CRTC2: variants seen among roughly 807,000 people sequenced by gnomAD.
CRTC2 encodes CREB regulated transcription coactivator 2, also known as CREB-regulated transcription coactivator 2.
Under a neutral mutation model 70.9 loss-of-function variants are expected in CRTC2, and 25 were observed. The ratio of observed to expected loss-of-function variants is 0.35; its 90% confidence interval spans 0.26 to 0.49. The LOEUF is 0.49. Ranked by LOEUF, CRTC2 falls within the 20% of genes least tolerant of loss-of-function variation. The pLI is 0.98. For missense variants in CRTC2, 737 were observed against 882.6 expected (o/e 0.83, Z 2.09); for synonymous variants, 330 against 364.1 (o/e 0.91, Z 1.07).
chr1:153,951,959 C>A, intron 10 of CRTC2, 59 bp downstream of exon 10: 1 of 1,570,940 alleles, frequency 6.4e-7, no homozygotes, highest in South Asian at 1.2e-5. Flanking sequence ...AACCTACCTC[C>A]CCTTCATCCC....
intron 3 of CRTC2, 55 bp downstream of exon 3, chr1:153,954,818 G>T: frequency 6.7e-7 from 1 of 1,482,688 alleles, no homozygotes; most frequent in Non-Finnish European, 9.4e-7. Context: ...ATGAGTCCCT[G>T]AGGAACCCCA....
chr1:153,952,065 A>C lies in CRTC2; in HGVS notation c.950T>G (p.Leu317Arg). ...TSNLTHTMTH[L>R]GISRGMGLGP... The stretch of plus-strand genomic sequence containing the variant: ...CAGGCCCATGCCCCTGCTGATGCCC[A>C]GGTGAGTCATGGTGTGGGTCAAATT... Residue 317 changes from leucine to arginine, a missense_variant, in exon 10 of 14, where the codon CTG becomes CGG. By Grantham distance (102) the Leu-to-Arg change is moderately radical. Around this residue, in one of 3 missense-constraint regions of CRTC2, gnomAD observed 699 missense variants for 823.7 expected, o/e 0.85. Coordinates refer to ENST00000368633, the MANE Select transcript of CRTC2 (RefSeq NM_181715.3). 1 of 1,614,108 alleles carries C rather than the reference A, an allele frequency of 6.2e-7. No homozygotes were observed. The highest frequency in any genetic ancestry group is 8.5e-7 in the Non-Finnish European group (1 of 1,180,000).
In CRTC2 at chr1:153,958,466, G is replaced by A; in HGVS notation, c.32C>T (p.Ser11Leu). MATSGANGPG[S>L]ATASASNPRK... is the part of the protein sequence containing the mutation. ...CGGATTGGAAGCCGAGGCCGTGGCC[G>A]AACCAGGCCCGTTCGCCCCCGACGT... Residue 11 changes from serine (S) to leucine (L), a missense_variant, in exon 1 of 14, where the codon TCG becomes TTG. Physicochemically the swap from Ser to Leu is moderately radical, Grantham distance 145. Around this residue, in one of 3 missense-constraint regions of CRTC2, gnomAD observed 29 missense variants for 25.5 expected, o/e 1.14. Coordinates refer to ENST00000368633, the MANE Select transcript of CRTC2 (RefSeq NM_181715.3). 1 of 1,612,294 alleles carries A rather than the reference G, an allele frequency of 6.2e-7. No homozygotes were observed. Among genetic ancestry groups the A allele is most frequent in the Non-Finnish European group, 8.5e-7 (1 of 1,178,982 alleles).
In CRTC2 at chr1:153,954,983, G is replaced by C. The variant is rs546066741; in HGVS notation, c.262C>G (p.Leu88Val). ...CGAGATGAATCCAAAGGTGAGTGGA[G>C]GGGGCTCTGCCAAAAAGGACAGAAG... ...GSGLAEFQSP[L>V]HSPLDSSRST... The change falls in exon 3 of 14, where the codon CTC (leucine) becomes GTC (valine). Residue 88 changes from leucine (L) to valine (V), a missense_variant. By Grantham distance (32) the Leu-to-Val change is conservative. Around this residue, in one of 3 missense-constraint regions of CRTC2, gnomAD observed 699 missense variants for 823.7 expected, o/e 0.85. Coordinates refer to ENST00000368633, the MANE Select transcript of CRTC2 (RefSeq NM_181715.3). The C allele has an allele frequency of 6.2e-7, 1 of 1,613,534 alleles. No individual in the cohort carries two copies. Among genetic ancestry groups the C allele is most frequent in the Non-Finnish European group, 8.5e-7 (1 of 1,179,576 alleles).
intron 1 of CRTC2, among the ~76,000 whole-genome samples, chr1:153,957,895 G>A (rs1680712904): frequency 6.6e-6 from 1 of 152,090 alleles, no homozygotes; most frequent in African/African-American, 2.4e-5. Flanking sequence ...CTTTCCCGGG[G>A]GCACCAAAGC....
chr1:153,956,979 G>C (rs1027667760), intron 1 of CRTC2, among the ~76,000 whole-genome samples: 1 of 152,140 alleles, frequency 6.6e-6, no homozygotes, highest in African/African-American at 2.4e-5. Flanking sequence ...ACGCTATCAA[G>C]ATCAGCCTCC....
At chr1:153,951,979 G>A in intron 10 of CRTC2, 39 bp downstream of exon 10, 1 of 1,594,146 alleles carries the variant, frequency 6.3e-7, no homozygotes, top group East Asian at 2.2e-5. Flanking sequence ...CTCCAGTCAG[G>A]CAGCACCCAG....
chr1:153,954,212 G>A (rs750197689), intron 4 of CRTC2, 43 bp downstream of exon 4: 15 of 1,506,014 alleles, frequency 1.0e-5, no homozygotes, highest in African/African-American at 6.9e-5. Flanking sequence ...CCAGAAACAC[G>A]TCAGAGAGTA....
intron 1 of CRTC2, among the ~76,000 whole-genome samples, chr1:153,956,430 AG>A (rs1215017963): frequency 1.3e-5 from 2 of 152,234 alleles, no homozygotes; most frequent in Non-Finnish European, 2.9e-5. Context: ...TCCAAGGCTC[AG>A]CCCCTGCGAC....
Position 153,951,506 on chromosome 1 carries a change from G to A in CRTC2, c.1158C>T (p.Ser386=), listed in dbSNP as rs749306326. Residue 386 remains serine (S), a synonymous_variant, in exon 11 of 14, where the codon TCC becomes TCT. Coordinates refer to ENST00000368633, the MANE Select transcript of CRTC2 (RefSeq NM_181715.3). The part of the protein sequence containing the change: ...SLARHVLPTT[S]LGHPSLSAPA... ...GAGCACTGAGTGAGGGGTGGCCCAG[G>A]GAGGTGGTGGGCAGTACATGGCGGG... is the stretch of plus-strand genomic sequence containing the variant. The A allele has an allele frequency of 5.6e-6, 9 of 1,602,162 alleles. No homozygotes were observed. The South Asian group carries it at 1.0e-4, about 18-fold the overall frequency.
intron 12 of CRTC2, 185 bp downstream of exon 12, chr1:153,948,930 G>A (rs774707967): frequency 2.6e-6 from 2 of 762,850 alleles, no homozygotes; most frequent in African/African-American, 1.7e-5. Context: ...CAGGAGTAGG[G>A]TCAAACGCAG....
chr1:153,954,342 A>C, intron 3 of CRTC2, 26 bp from the exon 4 acceptor site: 1 of 1,564,682 alleles, frequency 6.4e-7, no homozygotes, highest in Non-Finnish European at 8.8e-7. Flanking sequence ...TAAGGAAAAA[A>C]GTAGAGAGGA....
intron 1 of CRTC2, among the ~76,000 whole-genome samples, chr1:153,955,725 G>GA (rs1481781539): frequency 2.0e-5 from 3 of 148,792 alleles, no homozygotes; most frequent in Non-Finnish European, 4.5e-5. Context: ...TTATCTGCCA[G>GA]AAAAAAAAGG....
Position 153,952,162 on chromosome 1 carries a change from G to T in CRTC2, c.853C>A (p.Pro285Thr). The change falls in exon 10 of 14, where the codon CCA (proline) becomes ACA (threonine). Residue 285 changes from proline (P) to threonine (T), a missense_variant. Pro to Thr is a conservative substitution (Grantham distance 38). This residue lies in a region of CRTC2 where 699 missense variants were observed against 823.7 expected (regional missense o/e 0.85). Transcript: ENST00000368633. ...LPDLTNLHFPPPLPTPLDPEE... is the reference protein window; with the variant it reads ...LPDLTNLHFPTPLPTPLDPEE... The stretch of plus-strand genomic sequence containing the variant: ...GGGTCCAGGGGGGTGGGCAGTGGTG[G>T]GGGAAAGTGCAGGTTGGTGAGGTCA... 6.2e-7 allele frequency: 1 copy of T among 1,614,098 alleles called. No homozygotes were observed. Among genetic ancestry groups the T allele is most frequent in the South Asian group, 1.1e-5 (1 of 91,082 alleles).
chr1:153,953,486 C>A, intron 5 of CRTC2, 52 bp downstream of exon 5: 1 of 1,560,822 alleles, frequency 6.4e-7, no homozygotes, highest in Non-Finnish European at 8.8e-7. Context: ...GGGAGCAGGG[C>A]CCCAGAAACT....
At chr1:153,950,241 T>C (rs149903231) in intron 11 of CRTC2, among the ~76,000 whole-genome samples, 4 of 152,358 alleles carry the variant, frequency 2.6e-5, no homozygotes, top group East Asian at 1.9e-4. Context: ...TAAATCTTGA[T>C]ACTTGAACTA....
rs758173758 is a variant in CRTC2 at position 153,954,230 on chromosome 1, G to C, written c.434+25C>G. Reference sequence around the variant, plus strand: ...GAAACACGTCAGAGAGTAGGCAGGAGCTTCTGCCCGCCCTGGACACTTACC... The same window carrying C: ...GAAACACGTCAGAGAGTAGGCAGGACCTTCTGCCCGCCCTGGACACTTACC... On this transcript the variant is annotated intron_variant, in intron 4 of 13. Coordinates refer to ENST00000368633, the MANE Select transcript of CRTC2 (RefSeq NM_181715.3). 2.5e-6 allele frequency: 4 copies of C among 1,589,280 alleles called. No homozygotes were observed. In the South Asian group the frequency reaches 4.5e-5, roughly 18 times the overall value.
chr1:153,948,216 G>A lies in CRTC2; in HGVS notation c.1975C>T (p.Arg659Cys), dbSNP rs149096848. 953 of 1,614,230 alleles carry A rather than the reference G, an allele frequency of 5.9e-4. 1 individual carries two copies. The highest frequency in any genetic ancestry group is 7.5e-4 in the Non-Finnish European group (883 of 1,180,028). Residue 659 changes from arginine to cysteine, a missense_variant, in exon 14 of 14, where the codon CGC becomes TGC. Arg to Cys is a radical substitution (Grantham distance 180). Around this residue, in one of 3 missense-constraint regions of CRTC2, gnomAD observed 699 missense variants for 823.7 expected, o/e 0.85. Coordinates refer to ENST00000368633, the MANE Select transcript of CRTC2 (RefSeq NM_181715.3). The part of the protein sequence containing the change: ...ELGLGLEDEL[R>C]MEPLGLEGLN... ...CCTTCCAGGCCCAGTGGCTCCATGC[G>A]CAGCTCATCTTCTAGCCCAAGCCCT...
chr1:153,958,265 C>A, intron 1 of CRTC2, 80 bp downstream of exon 1: 1 of 1,528,772 alleles, frequency 6.5e-7, no homozygotes, highest in Non-Finnish European at 8.8e-7. Context: ...TTCGCTGCGG[C>A]GCCCGCCCCC....
Sources: gnomAD v4.1 joint callset for allele counts (sites outside exome capture counted in the v4.1 genomes callset) on GRCh38, gnomAD v4.1.1 for gene constraint, gnomAD v4.1.1 regional missense constraint, MANE v1.5 for transcripts, NCBI Gene and HGNC (gene_info 2026-07-23, HGNC 2026-07-21) for gene names.